Variants in LOC112694756 observed in about 807,000 individuals in gnomAD.
At chr16:30,060,819 G>A in the LOC112694756 span, among the ~76,000 whole-genome samples, 17 of 152,056 alleles carry the variant, frequency 1.1e-4, no homozygotes, top group Non-Finnish European at 2.2e-4. Flanking sequence ...CCACCATGAC[G>A]GTTCTAGCCT....
At chr16:30,069,663 C>T in the LOC112694756 span, 15 of 1,613,480 alleles carry the variant, frequency 9.3e-6, no homozygotes, top group African/African-American at 4.0e-5. Flanking sequence ...CAGTGCCCCC[C>T]GCTGTCACTG....
the LOC112694756 span, among the ~76,000 whole-genome samples, chr16:30,065,433 C>T: frequency 6.6e-6 from 1 of 152,224 alleles, no homozygotes; most frequent in Non-Finnish European, 1.5e-5. Context: ...CATCCGCGTC[C>T]TCCACTTCCC....
the LOC112694756 span, chr16:30,064,010 C>G: frequency 5.0e-6 from 2 of 398,806 alleles, no homozygotes; most frequent in Non-Finnish European, 8.8e-6. Flanking sequence ...CAGGGCAGGA[C>G]TCTTGGCCGG....
chr16:30,068,573 A>G, the LOC112694756 span: 6 of 1,535,852 alleles, frequency 3.9e-6, no homozygotes, highest in African/African-American at 6.8e-5. Context: ...ACTGTACTCC[A>G]GCCGGGGCGA....
the LOC112694756 span, among the ~76,000 whole-genome samples, chr16:30,056,105 GTTTTTTTTTT>G: frequency 8.4e-6 from 1 of 119,548 alleles, no homozygotes; most frequent in Non-Finnish European, 1.7e-5. Flanking sequence ...CCCAGCCATG[GTTTTTTTTTT>G]TTTTTTTTTT....
chr16:30,059,502 A>AAATAAT, the LOC112694756 span, among the ~76,000 whole-genome samples: 5 of 150,996 alleles, frequency 3.3e-5, no homozygotes, highest in Non-Finnish European at 5.9e-5. Context: ...CCGTCTCAAA[A>AAATAAT]AATAATAATA....
At chr16:30,069,106 C>T in the LOC112694756 span, 1 of 1,477,026 alleles carries the variant, frequency 6.8e-7, no homozygotes, top group Admixed American at 1.8e-5. Flanking sequence ...GTGGAGGACA[C>T]TCAAGGGCTG....
At chr16:30,070,313 G>A in the LOC112694756 span, 146 of 1,142,372 alleles carry the variant, frequency 1.3e-4, no homozygotes, top group Non-Finnish European at 1.7e-4. Context: ...GCTTGCCCGC[G>A]CTCTTTCTTC....
chr16:30,068,062 ATTTT>A, the LOC112694756 span: 164 of 176,584 alleles, frequency 9.3e-4, no homozygotes, highest in South Asian at 2.4e-3. Context: ...TTTTAAGTAA[ATTTT>A]TTTTTTTTTT....
the LOC112694756 span, chr16:30,067,199 C>T: frequency 6.2e-7 from 1 of 1,611,822 alleles, no homozygotes; most frequent in Non-Finnish European, 8.5e-7. Flanking sequence ...GAAACCCTAG[C>T]TAACTAGTCC....
the LOC112694756 span, chr16:30,068,470 G>T: frequency 1.1e-5 from 8 of 721,944 alleles, no homozygotes; most frequent in Non-Finnish European, 2.0e-5. Context: ...CTAAAGAAGA[G>T]GAAAGAGGGG....
the LOC112694756 span, among the ~76,000 whole-genome samples, chr16:30,060,545 G>T: frequency 1.3e-5 from 2 of 152,142 alleles, no homozygotes; most frequent in Non-Finnish European, 2.9e-5. Context: ...ATGGCTGCTT[G>T]TAACGGTTGA....
At chr16:30,062,878 C>T in the LOC112694756 span, among the ~76,000 whole-genome samples, 1 of 151,232 alleles carries the variant, frequency 6.6e-6, no homozygotes, top group Non-Finnish European at 1.5e-5. Flanking sequence ...CACAGTTGCT[C>T]ACTCCTTTAA....
At chr16:30,066,800 G>A in the LOC112694756 span, 1 of 1,434,452 alleles carries the variant, frequency 7.0e-7, no homozygotes, top group Non-Finnish European at 9.4e-7. Flanking sequence ...CCCATATCTG[G>A]GCCCTTTCCC....
chr16:30,066,578 C>T, the LOC112694756 span, among the ~76,000 whole-genome samples: 2 of 152,202 alleles, frequency 1.3e-5, no homozygotes, highest in African/African-American at 4.8e-5. Flanking sequence ...TCCTTGCTCT[C>T]TTATATTTTT....
chr16:30,067,313 C>G, the LOC112694756 span: 1 of 1,613,342 alleles, frequency 6.2e-7, no homozygotes. Flanking sequence ...TCTGACATCG[C>G]TCACCGCATC....
At chr16:30,064,655 A>G in the LOC112694756 span, 1 of 391,876 alleles carries the variant, frequency 2.6e-6, no homozygotes, top group Non-Finnish European at 4.5e-6. Flanking sequence ...TGGCGGGAAA[A>G]GGGCAGGGGT....
chr16:30,069,262 CTG>C, the LOC112694756 span: 8 of 1,602,346 alleles, frequency 5.0e-6, no homozygotes, highest in Non-Finnish European at 6.0e-6. Context: ...AGGTGGGACT[CTG>C]GGTTAGGAGG....
chr16:30,070,191 C>G, the LOC112694756 span: 1 of 1,614,142 alleles, frequency 6.2e-7, no homozygotes, highest in African/African-American at 1.3e-5. Context: ...AGTCCCTCTT[C>G]GTCTCTAACC....
Sources: allele counts gnomAD v4.1 joint callset (sites outside exome capture counted in the v4.1 genomes callset), GRCh38; gene constraint gnomAD v4.1.1; transcripts MANE v1.5.